Variants in DBX2 observed in about 807,000 individuals in gnomAD.
DBX2 encodes homeobox protein DBX2.
Under a neutral mutation model 17.7 loss-of-function variants are expected in DBX2, and 16 were observed. The ratio of observed to expected loss-of-function variants is 0.90; its 90% CI spans 0.61 to 1.37. The LOEUF (loss-of-function observed/expected upper bound fraction) is 1.37. DBX2 is among the 40% of genes most tolerant of loss of function. The pLI, the probability that DBX2 is intolerant of heterozygous loss-of-function variation, is 0.00. For synonymous variants in DBX2, 255 were observed against 183.8 expected (o/e 1.39, Z -3.13); for missense variants, 538 against 433.8 (o/e 1.24, Z -2.13).
intron 2 of DBX2, among the ~76,000 whole-genome samples, chr12:45,035,362 G>A (rs1241179662): frequency 1.3e-5 from 2 of 152,198 alleles, no homozygotes; most frequent in Non-Finnish European, 2.9e-5. Context: ...TCAAGACCAA[G>A]GGGAGTTTTA....
intron 2 of DBX2, among the ~76,000 whole-genome samples, chr12:45,031,818 G>C (rs1946412266): frequency 6.6e-6 from 1 of 152,064 alleles, no homozygotes; most frequent in African/African-American, 2.4e-5. Context: ...GACACATACT[G>C]AGCTGACAGT....
intron 3 of DBX2, among the ~76,000 whole-genome samples, chr12:45,020,116 G>T (rs373481024): frequency 4.6e-5 from 7 of 152,186 alleles, no homozygotes; most frequent in African/African-American, 1.7e-4. Flanking sequence ...TATATTCACA[G>T]ATAATGCAAC....
chr12:45,051,034 G>A lies in DBX2; in HGVS notation c.-107C>T. On this transcript the variant is annotated 5_prime_UTR_variant, in exon 1 of 4. Coordinates refer to ENST00000332700, the MANE Select transcript of DBX2 (RefSeq NM_001004329.3). ...AGCTTCTCGCCGCCGCCTCCCGCAG[G>A]GCTGGAGCGCGCGGAGCCAGGCAGG... 4 of 1,268,570 alleles carry A rather than the reference G, an allele frequency of 3.2e-6. No homozygotes were observed. Among genetic ancestry groups the A allele is most frequent in the Non-Finnish European group, 4.0e-6 (4 of 1,003,658 alleles). 78.6% of individuals were successfully genotyped at this position (1,268,570 alleles called of 1,614,324 possible). A position where few individuals can be genotyped will look rare whatever the true frequency, so the allele number is the denominator to read the frequency against.
rs1293885926 is a variant in DBX2 at position 45,050,933 on chromosome 12, G to T, written c.-6C>A. ...GCGACCGCGCTGGGGAGCATAGTGC[G>T]GCGCCAACCGGTCTGCTGCGCGCCC... On this transcript the variant is annotated 5_prime_UTR_variant, in exon 1 of 4. Transcript: ENST00000332700. 1.4e-6 allele frequency: 2 copies of T among 1,448,164 alleles called. No individual in the cohort carries two copies. Among genetic ancestry groups the T allele is most frequent in the African/African-American group, 1.5e-5 (1 of 67,988 alleles). 89.7% of individuals were successfully genotyped at this position (1,448,164 alleles called of 1,614,324 possible).
At chr12:45,016,749 T>C in intron 3 of DBX2, 131 bp from the exon 4 acceptor site, 2 of 756,018 alleles carry the variant, frequency 2.6e-6, no homozygotes, top group Non-Finnish European at 1.9e-6. Context: ...CAAAAAGTCC[T>C]TGTGGCTTTT....
rs1007331030 is a variant in DBX2, at chr12:45,050,567, C to T, written c.361G>A (p.Ala121Thr). 2 of 1,552,442 alleles carry T rather than the reference C, an allele frequency of 1.3e-6. No homozygotes were observed. Among genetic ancestry groups the T allele is most frequent in the Middle Eastern group, 1.8e-4 (1 of 5,482 alleles). ...SADSARLPGRAPGDRDCTFQP... is the reference protein window; with the variant it reads ...SADSARLPGRTPGDRDCTFQP... The stretch of plus-strand genomic sequence containing the variant: ...AAGGTACAGTCTCGGTCCCCCGGAG[C>T]CCGGCCCGGCAGCCTCGCACTGTCC... The change falls in exon 1 of 4, where the codon GCT becomes ACT. Residue 121 changes from alanine to threonine, a missense_variant. Coordinates refer to ENST00000332700, the MANE Select transcript of DBX2 (RefSeq NM_001004329.3).
chr12:45,031,365 T>TG (rs1160198583), intron 2 of DBX2, among the ~76,000 whole-genome samples: 1 of 152,150 alleles, frequency 6.6e-6, no homozygotes, highest in African/African-American at 2.4e-5. Flanking sequence ...ATCTTGTATG[T>TG]GGGGGTGCCA....
intron 1 of DBX2, among the ~76,000 whole-genome samples, chr12:45,043,170 G>GTC (rs1946481131): frequency 6.6e-6 from 1 of 152,056 alleles, no homozygotes; most frequent in Non-Finnish European, 1.5e-5. Context: ...ATTTCACCCT[G>GTC]GGACAGATTT....
Position 45,036,072 on chromosome 12 carries a change from G to T in DBX2, c.446C>A (p.Ser149Ter). The change falls in exon 2 of 4, where the codon TCG (serine) becomes TAG (stop). Residue 149 changes from serine to a stop codon, truncating the protein, a stop_gained. Coordinates refer to ENST00000332700, the MANE Select transcript of DBX2 (RefSeq NM_001004329.3). LOFTEE classifies it high-confidence loss of function. ...PFLLSTPPFY[S>*]ACCGGSCRRP... ...CCGACAGGACCCACCGCAGCACGCC[G>T]AGTAGAATGGCGGGGTGCTCAGAAG... is the stretch of plus-strand genomic sequence containing the variant. The T allele has an allele frequency of 6.2e-7, 1 of 1,613,768 alleles. No individual in the cohort carries two copies. Among genetic ancestry groups the T allele is most frequent in the Non-Finnish European group, 8.5e-7 (1 of 1,179,902 alleles).
chr12:45,045,201 T>C (rs1055608330), intron 1 of DBX2, among the ~76,000 whole-genome samples: 3 of 152,198 alleles, frequency 2.0e-5, no homozygotes, highest in African/African-American at 7.2e-5. Context: ...TAAACTGACT[T>C]AAAAGTTGTG....
intron 1 of DBX2, among the ~76,000 whole-genome samples, chr12:45,041,786 T>G (rs1396218120): frequency 2.6e-5 from 4 of 152,230 alleles, no homozygotes; most frequent in African/African-American, 9.6e-5. Context: ...GTGCTGGGAC[T>G]ACAAAGATTG....
intron 2 of DBX2, among the ~76,000 whole-genome samples, chr12:45,034,148 A>T (rs1359408874): frequency 6.6e-6 from 1 of 152,012 alleles, no homozygotes; most frequent in Non-Finnish European, 1.5e-5. Context: ...ACACACGCAC[A>T]TGAATGTCTG....
chr12:45,016,719 CTTATTA>C (rs1288161427), intron 3 of DBX2, 101 bp from the exon 4 acceptor site: 2 of 1,122,598 alleles, frequency 1.8e-6, no homozygotes, highest in Non-Finnish European at 2.4e-6. Flanking sequence ...TACAGAATAC[CTTATTA>C]TGACAGCCAA....
chr12:45,022,298 G>T (rs866980501), intron 3 of DBX2, among the ~76,000 whole-genome samples: 79 of 82,458 alleles, frequency 9.6e-4, no homozygotes, highest in South Asian at 2.7e-3. Context: ...AATAATAACT[G>T]TTTTTTTTTT....
intron 3 of DBX2, among the ~76,000 whole-genome samples, chr12:45,023,271 G>T (rs2643144): frequency 6.6e-6 from 1 of 152,152 alleles, no homozygotes; most frequent in East Asian, 1.9e-4. Flanking sequence ...CTCATTCATG[G>T]TTTGATTTTT....
intron 1 of DBX2, among the ~76,000 whole-genome samples, chr12:45,040,976 C>G (rs1406565706): frequency 6.7e-6 from 1 of 149,834 alleles, no homozygotes. Flanking sequence ...TCAGGAACCA[C>G]TGCATTTAAG....
chr12:45,036,802 A>G (rs1946443419), intron 1 of DBX2, among the ~76,000 whole-genome samples: 1 of 152,240 alleles, frequency 6.6e-6, no homozygotes, highest in Admixed American at 6.5e-5. Flanking sequence ...GATCACATTT[A>G]CATGACTTAA....
Position 45,050,669 on chromosome 12 carries a change from G to T in DBX2, c.259C>A (p.Pro87Thr), listed in dbSNP as rs1254621066. The change falls in exon 1 of 4, where the codon CCC (proline) becomes ACC (threonine). Residue 87 changes from proline to threonine, a missense_variant. Transcript: ENST00000332700. ...PASPVPLKLC[P>T]AAEQVSPAGA... The stretch of plus-strand genomic sequence containing the variant: ...GCGGGGCTAACTTGTTCGGCTGCGG[G>T]GCACAGCTTTAGGGGAACTGGGCTA... 2 of 1,548,628 alleles carry T rather than the reference G, an allele frequency of 1.3e-6. No homozygotes were observed. Among genetic ancestry groups the T allele is most frequent in the East Asian group, 2.4e-5 (1 of 40,846 alleles).
chr12:45,041,764 G>A (rs1241427383), intron 1 of DBX2, among the ~76,000 whole-genome samples: 1 of 152,172 alleles, frequency 6.6e-6, no homozygotes, highest in South Asian at 2.1e-4. Flanking sequence ...CAAGTGCTGA[G>A]CACTGCACTG....
Sources: allele counts gnomAD v4.1 joint callset (sites outside exome capture counted in the v4.1 genomes callset), GRCh38; gene constraint gnomAD v4.1.1; transcripts MANE v1.5; gene names NCBI Gene and HGNC (gene_info 2026-07-23, HGNC 2026-07-21).